The following LARGE1 variants were observed in gnomAD, a reference collection of about 807,000 sequenced individuals.
The protein encoded by LARGE1 is LARGE xylosyl- and glucuronyltransferase 1.
A neutral mutation model predicts 87.6 loss-of-function variants in LARGE1; 43 were observed. The ratio of observed to expected loss-of-function variants is 0.49; its 90% CI spans 0.38 to 0.63. LARGE1 has a LOEUF of 0.63. Among genes scored for constraint, LARGE1 ranks in the 30% least tolerant of loss-of-function variants. The pLI, the probability that LARGE1 is intolerant of heterozygous loss-of-function variation, is 0.00. For synonymous variants in LARGE1, 434 were observed against 394.6 expected (o/e 1.10, Z -1.18); for missense variants, 802 against 1,000.2 (o/e 0.80, Z 2.67).
chr22:33,437,193 A>G (rs1402693610), intron 6 of LARGE1, among the ~76,000 whole-genome samples: 5 of 152,190 alleles, frequency 3.3e-5, no homozygotes, highest in Admixed American at 6.5e-5. Context: ...GCTTTAGTCA[A>G]GGGTAAATTT....
rs554580784 is a variant in LARGE1, at chr22:33,677,303, A to G, written c.107-26635T>C. On this transcript the variant is annotated intron_variant, in intron 2 of 14. Coordinates refer to ENST00000397394, the MANE Select transcript of LARGE1 (RefSeq NM_133642.5). ...TTTCAGGAGTTAAAAAAAAAAAAAA[A>G]AAAAGAAAAGAAAAACTCACTCGAA... Among the ~76,000 whole-genome samples the G allele has an allele frequency of 2.2e-3, 331 of 151,986 alleles. 2 individuals are homozygous for G. The highest frequency in any genetic ancestry group is 5.7e-3 in the African/African-American group (235 of 41,508).
At chr22:33,620,681 G>A (rs553229971) in intron 4 of LARGE1, among the ~76,000 whole-genome samples, 1 of 152,206 alleles carries the variant, frequency 6.6e-6, no homozygotes, top group South Asian at 2.1e-4. Context: ...CAGCTCTTTG[G>A]GAAGCCGAGG....
intron 5 of LARGE1, among the ~76,000 whole-genome samples, chr22:33,576,954 C>A (rs938152843): frequency 1.3e-5 from 2 of 152,102 alleles, no homozygotes; most frequent in East Asian, 1.9e-4. Context: ...ACTGTCAAGT[C>A]TTGGTGGGTT....
At chr22:33,626,352 G>A (rs760290327) in intron 3 of LARGE1, 26 bp from the exon 4 acceptor site, 2 of 1,595,256 alleles carry the variant, frequency 1.3e-6, no homozygotes, top group South Asian at 1.1e-5. Context: ...GACGGGGTGA[G>A]CAGTCAGACA....
chr22:33,480,285 C>A (rs1420661966), intron 6 of LARGE1, among the ~76,000 whole-genome samples: 2 of 152,164 alleles, frequency 1.3e-5, no homozygotes, highest in Non-Finnish European at 2.9e-5. Context: ...ATCAATTAAT[C>A]CCTTCATGAT....
chr22:33,558,472 T>C (rs895658330), intron 6 of LARGE1, among the ~76,000 whole-genome samples: 1 of 152,184 alleles, frequency 6.6e-6, no homozygotes, highest in African/African-American at 2.4e-5. Flanking sequence ...AATCACCTCC[T>C]CAAATTTCAC....
rs1187038724 is a variant in LARGE1, at chr22:33,272,601, A to G, written c.*1826T>C. ...CTATATACTTGTATGCTCTGTCTAC[A>G]TATATATTTACATACATACATAAGC... On this transcript the variant is annotated 3_prime_UTR_variant, in exon 15 of 15. Coordinates refer to ENST00000397394, the MANE Select transcript of LARGE1 (RefSeq NM_133642.5). Among the ~76,000 whole-genome samples the G allele has an allele frequency of 6.6e-6, 1 of 152,226 alleles. No homozygotes were observed. Among genetic ancestry groups the G allele is most frequent in the Non-Finnish European group, 1.5e-5 (1 of 68,042 alleles).
At chr22:33,124,395 A>AGGAAGGAAAGAAGG in the LARGE1 span, among the ~76,000 whole-genome samples, 9 of 148,136 alleles carry the variant, frequency 6.1e-5, no homozygotes, top group African/African-American at 2.0e-4. Flanking sequence ...GGAGGAAGGA[A>AGGAAGGAAAGAAGG]AATGATGGCT....
intron 6 of LARGE1, among the ~76,000 whole-genome samples, chr22:33,501,144 G>A (rs1305946590): frequency 2.0e-5 from 3 of 152,088 alleles, no homozygotes; most frequent in Non-Finnish European, 4.4e-5. Context: ...GAATTGAAAT[G>A]GTACATTAAA....
intron 6 of LARGE1, among the ~76,000 whole-genome samples, chr22:33,519,969 G>T (rs2071492366): frequency 1.4e-5 from 2 of 140,282 alleles, no homozygotes; most frequent in Non-Finnish European, 1.5e-5. Context: ...CTAAGAGACT[G>T]TTCGTCTATC....
At chr22:33,606,767 G>A (rs1482645778) in intron 4 of LARGE1, among the ~76,000 whole-genome samples, 4 of 152,156 alleles carry the variant, frequency 2.6e-5, no homozygotes, top group Non-Finnish European at 5.9e-5. Context: ...CTGTCATGGA[G>A]CTCACAGTCT....
chr22:33,814,548 A>C (rs185623595), intron 1 of LARGE1, among the ~76,000 whole-genome samples: 3 of 152,298 alleles, frequency 2.0e-5, no homozygotes, highest in South Asian at 2.1e-4. Context: ...GGCCTCATCT[A>C]ATCAGCTGAA....
At chr22:33,549,154 T>G (rs1268651111) in intron 6 of LARGE1, among the ~76,000 whole-genome samples, 1 of 152,220 alleles carries the variant, frequency 6.6e-6, no homozygotes, top group Admixed American at 6.6e-5. Context: ...ATAAGGACCC[T>G]GCATACATAC....
At chr22:33,282,972 C>G (rs1477399870) in intron 13 of LARGE1, among the ~76,000 whole-genome samples, 2 of 152,192 alleles carry the variant, frequency 1.3e-5, no homozygotes, top group Non-Finnish European at 2.9e-5. Flanking sequence ...ACCCTTCCAT[C>G]TGAACACATA....
chr22:33,353,744 G>T (rs1940627178), intron 9 of LARGE1, among the ~76,000 whole-genome samples: 1 of 152,178 alleles, frequency 6.6e-6, no homozygotes, highest in South Asian at 2.1e-4. Flanking sequence ...GATATTTTAT[G>T]AAAAGAGAGT....
At chr22:33,225,636 G>C (rs1925696217) in intron 11 of LARGE1, among the ~76,000 whole-genome samples, 1 of 151,868 alleles carries the variant, frequency 6.6e-6, no homozygotes, top group South Asian at 2.1e-4. Context: ...TTGTGTCATG[G>C]GGGTTTGGTG....
At chr22:33,187,163 C>T (rs575624024) in intron 11 of LARGE1, among the ~76,000 whole-genome samples, 25 of 152,222 alleles carry the variant, frequency 1.6e-4, no homozygotes, top group African/African-American at 5.1e-4. Flanking sequence ...GAAATGAAAC[C>T]GATTTGTTGA....
At chr22:33,602,053 C>T (rs556508081) in intron 5 of LARGE1, among the ~76,000 whole-genome samples, 1 of 152,196 alleles carries the variant, frequency 6.6e-6, no homozygotes, top group African/African-American at 2.4e-5. Context: ...GCCACACCAC[C>T]CGAGTGCATT....
At chr22:33,887,411 T>C (rs2064883563) in intron 1 of LARGE1, among the ~76,000 whole-genome samples, 1 of 152,054 alleles carries the variant, frequency 6.6e-6, no homozygotes, top group Non-Finnish European at 1.5e-5. Flanking sequence ...ATTCCAACAT[T>C]CTAGCACTGC....
Sources: allele counts gnomAD v4.1 joint callset (sites outside exome capture counted in the v4.1 genomes callset), GRCh38; gene constraint gnomAD v4.1.1; transcripts MANE v1.5; gene names NCBI Gene and HGNC (gene_info 2026-07-23, HGNC 2026-07-21).